Variants in UAP1 observed in about 807,000 individuals in gnomAD.
The protein encoded by UAP1 is UDP-N-acetylhexosamine pyrophosphorylase.
A neutral mutation model predicts 58.5 loss-of-function variants in UAP1; 25 were observed. That is an observed-to-expected ratio of 0.43 (90% confidence interval 0.31 to 0.60). UAP1 has a LOEUF of 0.60. Ranked by LOEUF, UAP1 falls within the 20% of genes least tolerant of loss-of-function variation. UAP1 has a pLI of 0.11. For synonymous variants in UAP1, 208 were observed against 213.0 expected (o/e 0.98, Z 0.21); for missense variants, 575 against 630.0 (o/e 0.91, Z 0.93).
chr1:162,563,701 G>A (rs533014218), intron 1 of UAP1, among the ~76,000 whole-genome samples: 2 of 152,334 alleles, frequency 1.3e-5, no homozygotes, highest in East Asian at 3.9e-4. Flanking sequence ...ATTTTCCCAA[G>A]TGTCTGAAGG....
chr1:162,596,299 C>T (rs552396881), intron 9 of UAP1, among the ~76,000 whole-genome samples: 22 of 151,782 alleles, frequency 1.4e-4, no homozygotes, highest in African/African-American at 4.1e-4. Flanking sequence ...CCTCAGCCTC[C>T]GGAGTAGCTG....
At chr1:162,570,118 C>T (rs1653763661) in intron 2 of UAP1, among the ~76,000 whole-genome samples, 1 of 148,714 alleles carries the variant, frequency 6.7e-6, no homozygotes, top group Non-Finnish European at 1.5e-5. Context: ...CACTGTACTC[C>T]AGCCTGGTTG....
intron 4 of UAP1, among the ~76,000 whole-genome samples, 183 bp downstream of exon 4, chr1:162,579,786 C>T (rs1347968798): frequency 6.6e-6 from 1 of 152,078 alleles, no homozygotes; most frequent in East Asian, 1.9e-4. Flanking sequence ...CACTTTTATG[C>T]TTGTTGTGGG....
intron 2 of UAP1, 65 bp from the exon 3 acceptor site, chr1:162,576,712 A>T: frequency 1.4e-6 from 2 of 1,422,758 alleles, no homozygotes; most frequent in South Asian, 1.2e-5. Context: ...GCTGCTACCT[A>T]TGTATATTTA....
intron 1 of UAP1, among the ~76,000 whole-genome samples, chr1:162,562,925 G>A (rs185324507): frequency 7.9e-4 from 121 of 152,282 alleles, no homozygotes; most frequent in Non-Finnish European, 1.3e-3. Context: ...AGAAATACTG[G>A]ATTTCTTTAA....
At chr1:162,589,169 A>T (rs1483567948) in intron 7 of UAP1, among the ~76,000 whole-genome samples, 1,165 of 102,610 alleles carry the variant, frequency 0.011, 30 homozygotes, top group African/African-American at 0.043. Flanking sequence ...TATATAATAT[A>T]TAAATATTAT....
chr1:162,574,157 A>G (rs1000594073), intron 2 of UAP1, among the ~76,000 whole-genome samples: 2 of 145,926 alleles, frequency 1.4e-5, no homozygotes, highest in Admixed American at 1.4e-4. Flanking sequence ...CAGTGGCACG[A>G]TCTCAGCTCA....
At chr1:162,589,179 T>TATATAATATATTTAA (rs1655125761) in intron 7 of UAP1, among the ~76,000 whole-genome samples, 1 of 91,468 alleles carries the variant, frequency 1.1e-5, no homozygotes, top group African/African-American at 4.3e-5. Context: ...ATAAATATTA[T>TATATAATATATTTAA]ATATAATATA....
intron 2 of UAP1, among the ~76,000 whole-genome samples, chr1:162,567,067 CT>C (rs1653557945): frequency 6.6e-6 from 1 of 152,196 alleles, no homozygotes; most frequent in African/African-American, 2.4e-5. Context: ...TTATCCTTAG[CT>C]TGATGTGCCC....
chr1:162,569,117 C>T (rs374907541), intron 2 of UAP1, among the ~76,000 whole-genome samples: 1 of 152,272 alleles, frequency 6.6e-6, no homozygotes, highest in South Asian at 2.1e-4. Flanking sequence ...CAGAAACTAC[C>T]GTGTGTCTGC....
Position 162,587,456 on chromosome 1 carries a change from GT to G in UAP1, c.835-14del. 1.3e-6 allele frequency: 2 copies of G among 1,579,942 alleles called. No homozygotes were observed. Among genetic ancestry groups the G allele is most frequent in the Non-Finnish European group, 1.7e-6 (2 of 1,159,696 alleles). The stretch of plus-strand genomic sequence containing the variant: ...ATTTAATTCAATTTCCTCCTCTACT[GT>G]TTTTCTCTGGTGGACAGGTGGTAGA... On this transcript the variant is annotated intron_variant, in intron 5 of 10. Transcript: ENST00000271469.
intron 1 of UAP1, among the ~76,000 whole-genome samples, chr1:162,565,375 A>G (rs548910672): frequency 2.6e-5 from 4 of 152,328 alleles, no homozygotes; most frequent in African/African-American, 7.2e-5. Flanking sequence ...TGATTGTTAT[A>G]TGTGTATTGC....
At chr1:162,581,399 A>C in exon 5 of UAP1, 1 of 1,614,166 alleles carries the variant, frequency 6.2e-7, no homozygotes, top group South Asian at 1.1e-5. Context: ...TATTAGTAAA[A>C]GTGGCAGACC....
Position 162,573,038 on chromosome 1 carries a change from T to C in UAP1, c.281-3739T>C, listed in dbSNP as rs1022343981. ...TCTAGAAACCATAGTTTATTTGATA[T>C]AATTCAGGGAATAACCAAATATAAA... On this transcript the variant is annotated intron_variant, in intron 2 of 10. Coordinates refer to ENST00000271469, the Ensembl canonical transcript of UAP1. Among the ~76,000 whole-genome samples, 6 of 152,236 alleles carry C rather than the reference T, an allele frequency of 3.9e-5. No homozygotes were observed. The South Asian group carries it at 1.0e-3, about 26-fold the overall frequency.
At chr1:162,593,747 CAA>C (rs112272095) in intron 9 of UAP1, 28 of 102,300 alleles carry the variant, frequency 2.7e-4, no homozygotes, top group African/African-American at 2.6e-4. Context: ...GACTCCATCT[CAA>C]AAAAAAAAAA....
At chr1:162,587,385 A>C (rs1445968808) in intron 5 of UAP1, 90 bp from the exon 6 acceptor site, 24 of 1,260,194 alleles carry the variant, frequency 1.9e-5, no homozygotes, top group South Asian at 1.5e-5. Context: ...TAGTGTAAGC[A>C]AAGTTGTAAA....
At chr1:162,578,930 C>G (rs185069968) in intron 3 of UAP1, among the ~76,000 whole-genome samples, 2 of 151,898 alleles carry the variant, frequency 1.3e-5, no homozygotes, top group Non-Finnish European at 2.9e-5. Flanking sequence ...TCTTTTTTGC[C>G]ACACTAGCAT....
intron 9 of UAP1, among the ~76,000 whole-genome samples, chr1:162,596,831 T>C (rs1655648584): frequency 6.6e-6 from 1 of 152,248 alleles, no homozygotes; most frequent in Non-Finnish European, 1.5e-5. Flanking sequence ...TTTTGTGCCC[T>C]GTGTCTTATT....
intron 4 of UAP1, among the ~76,000 whole-genome samples, chr1:162,580,915 A>C (rs1654546499): frequency 6.6e-6 from 1 of 152,214 alleles, no homozygotes; most frequent in Admixed American, 6.5e-5. Context: ...TTATAAATAC[A>C]GAGCTAACTT....
Sources: allele counts gnomAD v4.1 joint callset (sites outside exome capture counted in the v4.1 genomes callset), GRCh38; gene constraint gnomAD v4.1.1; transcripts MANE v1.5; gene names NCBI Gene and HGNC (gene_info 2026-07-23, HGNC 2026-07-21).